Variants in RGS18 observed in about 807,000 individuals in gnomAD.
RGS18 encodes regulator of G-protein signaling 18.
RGS18 carries 22 observed loss-of-function variants against 27.6 expected under a neutral mutation model. The ratio of observed to expected loss-of-function variants is 0.80; its 90% CI spans 0.57 to 1.14. The LOEUF is 1.14. Among genes scored for constraint, RGS18 ranks in the 50% most tolerant of loss-of-function variants. The pLI, the probability that RGS18 is intolerant of heterozygous loss-of-function variation, is 0.00. For missense variants in RGS18, 299 were observed against 269.6 expected, an observed-to-expected ratio of 1.11 and a Z score of -0.76; for synonymous variants, 89 against 84.6, an observed-to-expected ratio of 1.05 and a Z score of -0.29.
chr1:192,164,270 A>C (rs959195451), intron 3 of RGS18, among the ~76,000 whole-genome samples: 4 of 152,172 alleles, frequency 2.6e-5, no homozygotes, highest in African/African-American at 9.7e-5. Context: ...TCAGTATAGG[A>C]ATGGGGCGTT....
intron 3 of RGS18, among the ~76,000 whole-genome samples, chr1:192,165,534 C>T (rs542261255): frequency 5.9e-5 from 9 of 152,198 alleles, no homozygotes; most frequent in Non-Finnish European, 1.0e-4. Flanking sequence ...CGGAACCTGC[C>T]GATGTGATGT....
intron 1 of RGS18, 125 bp downstream of exon 1, chr1:192,158,881 G>T: frequency 3.0e-6 from 2 of 661,184 alleles, no homozygotes; most frequent in East Asian, 3.0e-5. Context: ...TATAATTTGG[G>T]AAAAAAAAAC....
At position 192,184,587 on chromosome 1, in the gene RGS18, C is replaced by G. The variant is rs765504115; in HGVS notation, c.*33C>G. On this transcript the variant is annotated 3_prime_UTR_variant, in exon 5 of 5. Transcript: ENST00000367460. ...TGATTTTGCTCATTTTTATGACAAACTTATACATCTGCTTCTAACATATCG... is the reference window on the plus strand; with the variant it reads ...TGATTTTGCTCATTTTTATGACAAAGTTATACATCTGCTTCTAACATATCG... 6.3e-7 allele frequency: 1 copy of G among 1,584,544 alleles called. No individual in the cohort carries two copies. The highest frequency in any genetic ancestry group is 1.7e-5 in the Admixed American group (1 of 59,252).
rs747605141 is a variant in RGS18 at position 192,158,721 on chromosome 1, A to T, written c.84A>T (p.Ser28=). The T allele has an allele frequency of 1.3e-6, 2 of 1,576,716 alleles. No individual in the cohort carries two copies. Among genetic ancestry groups the T allele is most frequent in the Admixed American group, 3.8e-5 (2 of 52,584 alleles). The change falls in exon 1 of 5, where the codon TCA becomes TCT. Residue 28 remains serine, a synonymous_variant. Coordinates refer to ENST00000367460, the MANE Select transcript of RGS18 (RefSeq NM_130782.3). The stretch of plus-strand genomic sequence containing the variant: ...CTTTTTTCAAGTTAATACATGGTTC[A>T]GGAAAAGAAGAAACAAGCAAAGAAG... ...EKTFFKLIHG[S]GKEETSKEAK... is the part of the protein sequence containing the mutation.
intron 3 of RGS18, among the ~76,000 whole-genome samples, chr1:192,164,584 C>T (rs1464331362): frequency 1.3e-5 from 2 of 152,102 alleles, no homozygotes; most frequent in Middle Eastern, 3.4e-3. Context: ...AACAAATGTC[C>T]CATACCAACA....
chr1:192,179,143 C>T (rs938730355), intron 3 of RGS18, among the ~76,000 whole-genome samples: 3 of 151,438 alleles, frequency 2.0e-5, no homozygotes, highest in African/African-American at 7.3e-5. Context: ...TCCTACAATC[C>T]TATGTGGAAG....
intron 3 of RGS18, chr1:192,161,395 C>T (rs1053494541): frequency 2.0e-5 from 3 of 152,144 alleles, no homozygotes; most frequent in Non-Finnish European, 4.4e-5. Flanking sequence ...GGTCAATTTA[C>T]ATAAGGTAGC....
Position 192,184,569 on chromosome 1 carries a change from G to T in RGS18, c.*15G>T. The T allele has an allele frequency of 6.2e-7, 1 of 1,606,716 alleles. No individual in the cohort carries two copies. Among genetic ancestry groups the T allele is most frequent in the South Asian group, 1.1e-5 (1 of 90,728 alleles). On this transcript the variant is annotated 3_prime_UTR_variant, in exon 5 of 5. Coordinates refer to ENST00000367460, the MANE Select transcript of RGS18 (RefSeq NM_130782.3). ...TTTGGTTATAAAGAAAATTGATTTT[G>T]CTCATTTTTATGACAAACTTATACA...
intron 3 of RGS18, chr1:192,161,341 T>C (rs183856889): frequency 2.6e-5 from 4 of 152,176 alleles, no homozygotes; most frequent in Admixed American, 1.3e-4. Flanking sequence ...TGTTATAATA[T>C]AGCATGGCTT....
chr1:192,181,417 G>A lies in RGS18; in HGVS notation c.409G>A (p.Ala137Thr). 1 of 1,584,030 alleles carries A rather than the reference G, an allele frequency of 6.3e-7. No individual in the cohort carries two copies. The highest frequency in any genetic ancestry group is 8.6e-7 in the Non-Finnish European group (1 of 1,167,748). Residue 137 changes from alanine to threonine, a missense_variant, in exon 4 of 5, where the codon GCA (alanine) becomes ACA (threonine). Ala to Thr is a moderately conservative substitution (Grantham distance 58). Transcript: ENST00000367460. ...GPQQIHLKAK[A>T]IYEKFIQTDA... ...TCAACAAATTCACCTTAAAGCAAAA[G>A]CAATATATGAGAAATTTATACAGAC... is the stretch of plus-strand genomic sequence containing the variant.
intron 3 of RGS18, among the ~76,000 whole-genome samples, chr1:192,173,552 G>T (rs1274177626): frequency 6.6e-6 from 1 of 151,744 alleles, no homozygotes; most frequent in Non-Finnish European, 1.5e-5. Flanking sequence ...ATGTTTGATG[G>T]AATTTACTAA....
intron 3 of RGS18, chr1:192,168,262 A>T (rs1232986819): frequency 8.2e-6 from 1 of 122,418 alleles, no homozygotes; most frequent in African/African-American, 2.5e-5. Flanking sequence ...ATTGCACATT[A>T]CTTTAAAAAA....
At chr1:192,174,185 C>A (rs1480867164) in intron 3 of RGS18, among the ~76,000 whole-genome samples, 1 of 151,750 alleles carries the variant, frequency 6.6e-6, no homozygotes, top group African/African-American at 2.4e-5. Flanking sequence ...GTGTTTACTA[C>A]ATATTTATCA....
chr1:192,167,597 C>A (rs542228348), intron 3 of RGS18, among the ~76,000 whole-genome samples: 9 of 151,812 alleles, frequency 5.9e-5, no homozygotes, highest in Non-Finnish European at 1.0e-4. Context: ...TTTTTTGTAT[C>A]TTTAGTAGAG....
At position 192,176,779 on chromosome 1, in the gene RGS18, A is replaced by G. The variant is rs193129291; in HGVS notation, c.284-4513A>G. ...GGGAGTTCAGGATGCAAACAAAAGTATTTAATAAAATAGTTGAACAAAGTA... is the reference window on the plus strand; with the variant it reads ...GGGAGTTCAGGATGCAAACAAAAGTGTTTAATAAAATAGTTGAACAAAGTA... On this transcript the variant is annotated intron_variant, in intron 3 of 4. Transcript: ENST00000367460. 8.8e-4 allele frequency among the ~76,000 whole-genome samples: 133 copies of G among 151,840 alleles called. 1 individual carries two copies. The highest frequency in any genetic ancestry group is 7.4e-4 in the Non-Finnish European group (50 of 67,806).
chr1:192,184,451 T>G lies in RGS18; in HGVS notation c.605T>G (p.Met202Arg). 1 of 1,611,814 alleles carries G rather than the reference T, an allele frequency of 6.2e-7. No homozygotes were observed. Among genetic ancestry groups the G allele is most frequent in the Non-Finnish European group, 8.5e-7 (1 of 1,178,586 alleles). ...FLKSDIYLDL[M>R]EGRPQRPTNL... Reference sequence around the variant, plus strand: ...AAATCTGACATCTATTTAGACTTGATGGAAGGAAGACCTCAGAGACCAACA... The same window carrying G: ...AAATCTGACATCTATTTAGACTTGAGGGAAGGAAGACCTCAGAGACCAACA... Residue 202 changes from methionine (M) to arginine (R), a missense_variant, in exon 5 of 5, where the codon ATG (methionine) becomes AGG (arginine). Physicochemically the swap from Met to Arg is moderately conservative, Grantham distance 91. Coordinates refer to ENST00000367460, the MANE Select transcript of RGS18 (RefSeq NM_130782.3).
At chr1:192,168,806 T>A (rs537559822) in intron 3 of RGS18, 1 of 152,288 alleles carries the variant, frequency 6.6e-6, no homozygotes, top group Admixed American at 6.5e-5. Flanking sequence ...TAATTTTAAA[T>A]AAGATGAACC....
At chr1:192,159,577 T>G (rs909533774) in intron 2 of RGS18, among the ~76,000 whole-genome samples, 2 of 152,186 alleles carry the variant, frequency 1.3e-5, no homozygotes, top group Non-Finnish European at 2.9e-5. Context: ...AAATGACATG[T>G]TTTACTCCTT....
chr1:192,159,344 G>A, intron 2 of RGS18, 23 bp downstream of exon 2: 2 of 1,525,830 alleles, frequency 1.3e-6, no homozygotes, highest in South Asian at 1.1e-5. Flanking sequence ...TCAGTATTTT[G>A]AGGAAGATTT....
Sources: allele counts gnomAD v4.1 joint callset (sites outside exome capture counted in the v4.1 genomes callset), GRCh38; gene constraint gnomAD v4.1.1; transcripts MANE v1.5; gene names NCBI Gene and HGNC (gene_info 2026-07-23, HGNC 2026-07-21).